CEP128: variants seen among roughly 807,000 people sequenced by gnomAD.
CEP128 encodes the protein centrosomal protein 128kDa.
CEP128 carries 132 observed loss-of-function variants against 156.7 expected under a neutral mutation model. The observed-to-expected ratio is 0.84, with a 90% CI of 0.73 to 0.97. The LOEUF is 0.97. Ranked by LOEUF, CEP128 falls within the 50% of genes least tolerant of loss-of-function variation. The pLI is 0.00. For missense variants in CEP128, 1,252 were observed against 1,281.9 expected, an observed-to-expected ratio of 0.98 and a Z score of 0.36; for synonymous variants, 469 against 448.9, an observed-to-expected ratio of 1.04 and a Z score of -0.57.
intron 14 of CEP128, among the ~76,000 whole-genome samples, chr14:80,786,604 C>A (rs776325922): frequency 6.6e-6 from 1 of 152,120 alleles, no homozygotes; most frequent in Non-Finnish European, 1.5e-5. Context: ...TGAGCTCTGA[C>A]CAGAAAGAAG....
intron 19 of CEP128, among the ~76,000 whole-genome samples, chr14:80,668,401 A>C (rs1895711777): frequency 6.6e-6 from 1 of 152,160 alleles, no homozygotes; most frequent in Admixed American, 6.5e-5. Context: ...TGAAATAGAA[A>C]ACTATTGAAA....
chr14:80,639,833 T>C (rs1408028289), intron 19 of CEP128, among the ~76,000 whole-genome samples: 1 of 152,096 alleles, frequency 6.6e-6, no homozygotes, highest in Non-Finnish European at 1.5e-5. Context: ...AGTAAGAAGG[T>C]TGACTAGCAA....
intron 16 of CEP128, among the ~76,000 whole-genome samples, chr14:80,774,626 C>CGTGTGT (rs1179738887): frequency 6.6e-6 from 1 of 150,390 alleles, no homozygotes; most frequent in Non-Finnish European, 1.5e-5. Context: ...TGTGTGTGTG[C>CGTGTGT]GTGTGTGTGT....
intron 19 of CEP128, among the ~76,000 whole-genome samples, chr14:80,645,141 A>T (rs188681187): frequency 1.3e-5 from 2 of 152,296 alleles, no homozygotes; most frequent in East Asian, 3.9e-4. Context: ...TAACCACGTA[A>T]GCTAACTAAA....
chr14:80,889,993 A>G, intron 8 of CEP128, among the ~76,000 whole-genome samples: 1 of 152,206 alleles, frequency 6.6e-6, no homozygotes, highest in East Asian at 1.9e-4. Context: ...CTCTCAAAAG[A>G]AGGCATTTAT....
intron 13 of CEP128, chr14:80,822,734 G>C (rs1426463019): frequency 1.2e-6 from 1 of 836,838 alleles, no homozygotes; most frequent in Non-Finnish European, 2.1e-6. Flanking sequence ...TAGCCCTGTA[G>C]AAAATGGAGA....
chr14:80,516,618 A>T (rs1157492606), intron 23 of CEP128, among the ~76,000 whole-genome samples: 1 of 152,144 alleles, frequency 6.6e-6, no homozygotes, highest in East Asian at 1.9e-4. Flanking sequence ...TCAGATTCCA[A>T]CTATCAGGAT....
At chr14:80,883,573 A>G (rs938607928) in intron 8 of CEP128, among the ~76,000 whole-genome samples, 2 of 152,164 alleles carry the variant, frequency 1.3e-5, no homozygotes, top group African/African-American at 2.4e-5. Flanking sequence ...TATAAGATTG[A>G]TGCAAGGAAT....
intron 4 of CEP128, among the ~76,000 whole-genome samples, chr14:80,908,157 T>C (rs1384653558): frequency 1.3e-5 from 2 of 152,184 alleles, no homozygotes; most frequent in East Asian, 1.9e-4. Flanking sequence ...TATCATTATG[T>C]ACAGTTTTAT....
chr14:80,632,735 A>G (rs139963030), intron 19 of CEP128, among the ~76,000 whole-genome samples: 9 of 152,190 alleles, frequency 5.9e-5, no homozygotes, highest in African/African-American at 2.2e-4. Flanking sequence ...ACTTATGTGC[A>G]TATCTCCTAG....
chr14:80,865,660 T>C (rs1412433181), intron 8 of CEP128, among the ~76,000 whole-genome samples: 3 of 152,116 alleles, frequency 2.0e-5, no homozygotes, highest in Non-Finnish European at 4.4e-5. Flanking sequence ...ACTTCCATTA[T>C]TAGATTGCAA....
intron 13 of CEP128, among the ~76,000 whole-genome samples, chr14:80,829,817 T>A (rs144460156): frequency 1.2e-4 from 18 of 152,158 alleles, no homozygotes; most frequent in Non-Finnish European, 2.1e-4. Context: ...AACTACTAAG[T>A]TAGGACAAGG....
intron 13 of CEP128, chr14:80,822,462 T>C: frequency 1.8e-6 from 1 of 542,550 alleles, no homozygotes; most frequent in Non-Finnish European, 3.5e-6. Context: ...AACGAACCCC[T>C]AACCAACCAA....
intron 8 of CEP128, among the ~76,000 whole-genome samples, chr14:80,864,285 T>A (rs1887662010): frequency 6.6e-6 from 1 of 152,202 alleles, no homozygotes; most frequent in African/African-American, 2.4e-5. Flanking sequence ...AAATTTATAC[T>A]GTATCCCCAG....
At chr14:80,580,501 C>G in intron 19 of CEP128, 78 bp from the exon 20 acceptor site, 1 of 831,152 alleles carries the variant, frequency 1.2e-6, no homozygotes, top group South Asian at 1.5e-5. Context: ...GCAATTCAGC[C>G]AGTAGCTTGT....
intron 13 of CEP128, among the ~76,000 whole-genome samples, chr14:80,819,441 T>C (rs1885047044): frequency 6.6e-6 from 1 of 151,790 alleles, no homozygotes; most frequent in South Asian, 2.1e-4. Context: ...AGAGACGGGG[T>C]TTCACTGTGT....
chr14:80,820,893 T>C (rs1885128740), intron 13 of CEP128, among the ~76,000 whole-genome samples: 1 of 152,208 alleles, frequency 6.6e-6, no homozygotes, highest in Admixed American at 6.5e-5. Flanking sequence ...ATTTTATCAT[T>C]ATAGGTTCCC....
At chr14:80,572,450 C>T (rs1377067192) in intron 20 of CEP128, among the ~76,000 whole-genome samples, 1 of 152,046 alleles carries the variant, frequency 6.6e-6, no homozygotes, top group Non-Finnish European at 1.5e-5. Context: ...CATTGTTATC[C>T]AGAGATAGAC....
chr14:80,641,865 G>A (rs542247133), intron 19 of CEP128, among the ~76,000 whole-genome samples: 73 of 151,996 alleles, frequency 4.8e-4, no homozygotes, highest in African/African-American at 1.8e-3. Context: ...CAAGGCGGGT[G>A]GATCATGAGG....
Sources: gnomAD v4.1 joint callset for allele counts (sites outside exome capture counted in the v4.1 genomes callset) on GRCh38, gnomAD v4.1.1 for gene constraint, MANE v1.5 for transcripts, NCBI Gene and HGNC (gene_info 2026-07-23, HGNC 2026-07-21) for gene names.